Variants in MACROD2 observed in about 807,000 individuals in gnomAD.
The protein encoded by MACROD2 is mono-ADP ribosylhydrolase 2.
MACROD2 carries 36 observed loss-of-function variants against 70.4 expected under a neutral mutation model. That is an observed-to-expected ratio of 0.51 (90% CI 0.39 to 0.68). The LOEUF is 0.68. Among genes scored for constraint, MACROD2 ranks in the 30% least tolerant of loss-of-function variants. MACROD2 has a pLI of 0.00. For synonymous variants in MACROD2, 172 were observed against 178.8 expected (o/e 0.96, Z 0.30); for missense variants, 496 against 538.4 (o/e 0.92, Z 0.78).
At chr20:15,170,190 G>A (rs2076413353) in intron 5 of MACROD2, among the ~76,000 whole-genome samples, 2 of 152,188 alleles carry the variant, frequency 1.3e-5, no homozygotes. Flanking sequence ...CTAAATTGAA[G>A]ATAAAGCTGA....
chr20:15,462,526 A>G (rs1053169792), intron 7 of MACROD2, among the ~76,000 whole-genome samples: 2 of 152,204 alleles, frequency 1.3e-5, no homozygotes, highest in Non-Finnish European at 2.9e-5. Flanking sequence ...AATTCTAAAA[A>G]ATTCTTGAAA....
intron 3 of MACROD2, among the ~76,000 whole-genome samples, chr20:14,433,183 T>C (rs1039792884): frequency 6.6e-6 from 1 of 152,084 alleles, no homozygotes; most frequent in Admixed American, 6.6e-5. Flanking sequence ...TGTCATTTTA[T>C]GGTCTTAAGG....
At chr20:15,292,606 G>C (rs138445134) in intron 6 of MACROD2, among the ~76,000 whole-genome samples, 69 of 152,248 alleles carry the variant, frequency 4.5e-4, no homozygotes, top group African/African-American at 1.6e-3. Flanking sequence ...GCTCAGAGTC[G>C]AAGTGCTGAC....
At chr20:15,812,203 AC>A (rs1438325417) in intron 8 of MACROD2, among the ~76,000 whole-genome samples, 15 of 152,280 alleles carry the variant, frequency 9.9e-5, no homozygotes, top group South Asian at 2.1e-4. Context: ...TACTTATAAC[AC>A]AATGCCTTAT....
At chr20:14,797,140 T>C (rs1365786352) in intron 5 of MACROD2, among the ~76,000 whole-genome samples, 1 of 152,090 alleles carries the variant, frequency 6.6e-6, no homozygotes, top group African/African-American at 2.4e-5. Context: ...TCTGTATTCA[T>C]TGACTTGACC....
chr20:14,752,291 A>G (rs923913078), intron 5 of MACROD2, among the ~76,000 whole-genome samples: 1 of 151,870 alleles, frequency 6.6e-6, no homozygotes, highest in Non-Finnish European at 1.5e-5. Context: ...TAAATTTAAA[A>G]CATTTATAAT....
chr20:14,802,787 C>T (rs2072594033), intron 5 of MACROD2, among the ~76,000 whole-genome samples: 1 of 151,656 alleles, frequency 6.6e-6, no homozygotes, highest in Non-Finnish European at 1.5e-5. Context: ...TACACACACA[C>T]ACACACACAC....
At chr20:14,009,191 A>T (rs1201392583) in intron 2 of MACROD2, among the ~76,000 whole-genome samples, 1 of 152,202 alleles carries the variant, frequency 6.6e-6, no homozygotes, top group Non-Finnish European at 1.5e-5. Flanking sequence ...ACAGAATGGG[A>T]GAAAATTTTT....
intron 5 of MACROD2, among the ~76,000 whole-genome samples, chr20:15,029,180 C>T (rs966312567): frequency 1.1e-4 from 17 of 152,150 alleles, no homozygotes; most frequent in South Asian, 2.1e-4. Context: ...CTAACTGCCA[C>T]GCCTCCTCTC....
intron 8 of MACROD2, among the ~76,000 whole-genome samples, chr20:15,735,048 C>A (rs2041236707): frequency 6.6e-6 from 1 of 152,100 alleles, no homozygotes. Context: ...GCAACCTCCA[C>A]CTCCCAGGTT....
At chr20:15,789,709 T>G (rs1380034373) in intron 8 of MACROD2, among the ~76,000 whole-genome samples, 1 of 152,032 alleles carries the variant, frequency 6.6e-6, no homozygotes, top group African/African-American at 2.4e-5. Context: ...CTTTAAGTAC[T>G]TTTTGGAAAC....
At chr20:14,443,280 A>T (rs1325621180) in intron 3 of MACROD2, among the ~76,000 whole-genome samples, 1 of 150,378 alleles carries the variant, frequency 6.6e-6, no homozygotes, top group Admixed American at 6.6e-5. Context: ...TTAAGAGGGT[A>T]TAGGGTGTAT....
chr20:15,283,793 G>A (rs758968454), intron 6 of MACROD2, among the ~76,000 whole-genome samples: 1 of 152,126 alleles, frequency 6.6e-6, no homozygotes, highest in Non-Finnish European at 1.5e-5. Flanking sequence ...ACAACCCAGT[G>A]AGTTCTCTTC....
intron 8 of MACROD2, among the ~76,000 whole-genome samples, chr20:15,566,116 TAC>T (rs2048306766): frequency 1.3e-5 from 2 of 152,170 alleles, no homozygotes; most frequent in Admixed American, 1.3e-4. Flanking sequence ...GCTGTTACCA[TAC>T]CCAAGCTTGT....
intron 16 of MACROD2, 119 bp from the exon 17 acceptor site, chr20:16,044,452 A>T (rs1388872386): frequency 4.8e-6 from 4 of 836,260 alleles, no homozygotes; most frequent in Non-Finnish European, 7.5e-6. Context: ...GAATGAAAAC[A>T]AATGGAAAAG....
At chr20:15,475,123 C>G (rs1481826817) in intron 7 of MACROD2, among the ~76,000 whole-genome samples, 1 of 152,036 alleles carries the variant, frequency 6.6e-6, no homozygotes, top group African/African-American at 2.4e-5. Flanking sequence ...TATAAGTAAT[C>G]TAGGGCCTAT....
intron 5 of MACROD2, among the ~76,000 whole-genome samples, chr20:14,873,819 A>G (rs1347457982): frequency 6.6e-6 from 1 of 152,174 alleles, no homozygotes; most frequent in Non-Finnish European, 1.5e-5. Flanking sequence ...AGACTGCGCC[A>G]TTGCACTCCA....
At chr20:14,966,640 G>A (rs1171301067) in intron 5 of MACROD2, among the ~76,000 whole-genome samples, 1 of 152,136 alleles carries the variant, frequency 6.6e-6, no homozygotes, top group Non-Finnish European at 1.5e-5. Context: ...CCATTCTTCT[G>A]AGCTCTGTCA....
intron 5 of MACROD2, among the ~76,000 whole-genome samples, chr20:14,722,714 T>C (rs2071483959): frequency 6.6e-6 from 1 of 152,206 alleles, no homozygotes; most frequent in Non-Finnish European, 1.5e-5. Context: ...GTTGCCAATT[T>C]AGACACCTAT....
Sources: allele counts gnomAD v4.1 joint callset (sites outside exome capture counted in the v4.1 genomes callset), GRCh38; gene constraint gnomAD v4.1.1; transcripts MANE v1.5; gene names NCBI Gene and HGNC (gene_info 2026-07-23, HGNC 2026-07-21).